Variants in SRGAP1 observed in about 807,000 individuals in gnomAD.
SRGAP1 encodes the protein SLIT-ROBO Rho GTPase activating protein 1.
Under a neutral mutation model 121.9 loss-of-function variants are expected in SRGAP1, and 43 were observed. The observed-to-expected ratio is 0.35, with a 90% CI of 0.28 to 0.46. The LOEUF is 0.46. Ranked by LOEUF, SRGAP1 falls within the 20% of genes least tolerant of loss-of-function variation. The pLI, the probability that SRGAP1 is intolerant of heterozygous loss-of-function variation, is 1.00. For missense variants in SRGAP1, 1,102 were observed against 1,350.9 expected, an observed-to-expected ratio of 0.82 and a Z score of 2.89; for synonymous variants, 447 against 485.4, an observed-to-expected ratio of 0.92 and a Z score of 1.04.
intron 1 of SRGAP1, among the ~76,000 whole-genome samples, chr12:63,907,888 A>G (rs1034418338): frequency 2.6e-5 from 4 of 152,200 alleles, no homozygotes; most frequent in Non-Finnish European, 5.9e-5. Context: ...TGTAAAGTAT[A>G]AAGTAGAGGT....
chr12:64,010,806 A>T (rs145365842), intron 3 of SRGAP1, among the ~76,000 whole-genome samples: 23 of 152,008 alleles, frequency 1.5e-4, no homozygotes, highest in Non-Finnish European at 3.2e-4. Context: ...GAGGCTTTGC[A>T]AAATTATTTA....
intron 4 of SRGAP1, among the ~76,000 whole-genome samples, chr12:64,024,384 T>C (rs1002235331): frequency 1.3e-5 from 2 of 152,154 alleles, no homozygotes; most frequent in African/African-American, 4.8e-5. Context: ...TGAGCCATGA[T>C]TGCGCTACTG....
At chr12:63,995,049 A>C (rs2033656692) in intron 3 of SRGAP1, among the ~76,000 whole-genome samples, 1 of 152,204 alleles carries the variant, frequency 6.6e-6, no homozygotes, top group Non-Finnish European at 1.5e-5. Context: ...CAATTTTAAG[A>C]ACGTTAATAG....
chr12:64,146,368 C>G lies in SRGAP1; in HGVS notation c.*3696C>G, dbSNP rs965226900. ...TTAAGGGTTTTCTAACTTTTGCTAT[C>G]CCCCCCGCGACCAAAAAAAGGGGGG... On this transcript the variant is annotated 3_prime_UTR_variant, in exon 22 of 22. Coordinates refer to ENST00000355086, the MANE Select transcript of SRGAP1 (RefSeq NM_020762.4). The G allele has an allele frequency of 3.3e-5, 5 of 151,922 alleles. No homozygotes were observed. The highest frequency in any genetic ancestry group is 1.2e-4 in the African/African-American group (5 of 41,434). The allele number at this position is 151,922 out of a possible 1,614,324, so 9.4% of individuals were successfully genotyped here.
At chr12:63,856,555 T>C (rs1899258265) in intron 1 of SRGAP1, among the ~76,000 whole-genome samples, 1 of 133,020 alleles carries the variant, frequency 7.5e-6, no homozygotes. Flanking sequence ...GTGCTAATAG[T>C]CTTTTTGAAG....
intron 18 of SRGAP1, among the ~76,000 whole-genome samples, chr12:64,121,617 C>T (rs965948117): frequency 4.9e-4 from 74 of 152,074 alleles, no homozygotes; most frequent in Admixed American, 1.3e-4. Flanking sequence ...TTTTGGGTTT[C>T]TTTGTTTCTC....
intron 1 of SRGAP1, among the ~76,000 whole-genome samples, chr12:63,859,402 A>G (rs779122158): frequency 2.5e-4 from 38 of 151,776 alleles, no homozygotes; most frequent in Non-Finnish European, 5.3e-4. Context: ...CGTGGCCTCA[A>G]ATGATACACT....
chr12:63,979,722 A>G (rs1030877887), intron 1 of SRGAP1, among the ~76,000 whole-genome samples: 2 of 152,156 alleles, frequency 1.3e-5, no homozygotes, highest in Admixed American at 1.3e-4. Flanking sequence ...TGGAAACTCA[A>G]TAATTGCTTG....
intron 1 of SRGAP1, among the ~76,000 whole-genome samples, chr12:63,861,748 A>G (rs1397257474): frequency 6.6e-6 from 1 of 152,092 alleles, no homozygotes; most frequent in Non-Finnish European, 1.5e-5. Context: ...ACACTTTGGG[A>G]GGCTGAGATG....
intron 1 of SRGAP1, among the ~76,000 whole-genome samples, chr12:63,937,583 T>A (rs1179556322): frequency 6.6e-6 from 1 of 152,198 alleles, no homozygotes; most frequent in South Asian, 2.1e-4. Context: ...TTGGATAGCT[T>A]GATATCCTCT....
intron 1 of SRGAP1, among the ~76,000 whole-genome samples, chr12:63,953,290 A>G (rs968368773): frequency 6.6e-6 from 1 of 152,082 alleles, no homozygotes; most frequent in African/African-American, 2.4e-5. Flanking sequence ...TCATCTCATT[A>G]AGTTTCTATT....
chr12:63,894,188 A>G (rs930478129), intron 1 of SRGAP1, among the ~76,000 whole-genome samples: 1 of 152,116 alleles, frequency 6.6e-6, no homozygotes, highest in African/African-American at 2.4e-5. Flanking sequence ...TGCTGTGTTC[A>G]AGGCACTCTG....
At chr12:63,899,603 C>T (rs113014325) in intron 1 of SRGAP1, among the ~76,000 whole-genome samples, 11 of 152,258 alleles carry the variant, frequency 7.2e-5, no homozygotes, top group Non-Finnish European at 1.6e-4. Context: ...AACACCTCCG[C>T]GTTTGCCTTA....
At chr12:63,985,105 G>T (rs545259382) in intron 2 of SRGAP1, among the ~76,000 whole-genome samples, 1 of 152,048 alleles carries the variant, frequency 6.6e-6, no homozygotes, top group Non-Finnish European at 1.5e-5. Flanking sequence ...AGGGGAAGGC[G>T]GGGGAGACCC....
chr12:63,845,230 A>G (rs1468969325), intron 1 of SRGAP1, among the ~76,000 whole-genome samples: 2 of 152,082 alleles, frequency 1.3e-5, no homozygotes, highest in African/African-American at 4.8e-5. Context: ...TATCACCATC[A>G]TTATTCTTTT....
intron 6 of SRGAP1, among the ~76,000 whole-genome samples, chr12:64,047,174 A>C (rs1432274122): frequency 6.6e-6 from 1 of 152,232 alleles, no homozygotes; most frequent in African/African-American, 2.4e-5. Context: ...GAAATAAATG[A>C]TATGAAGTTG....
chr12:64,106,331 A>G (rs144710153), intron 15 of SRGAP1, among the ~76,000 whole-genome samples: 38 of 152,336 alleles, frequency 2.5e-4, no homozygotes, highest in Non-Finnish European at 5.3e-4. Flanking sequence ...AGATACAGGT[A>G]TGCTAAATCA....
chr12:64,101,011 A>G (rs1229138530), intron 15 of SRGAP1, among the ~76,000 whole-genome samples: 1 of 152,204 alleles, frequency 6.6e-6, no homozygotes, highest in African/African-American at 2.4e-5. Flanking sequence ...TAAGAGGCTT[A>G]AAATGTAGTA....
Position 64,142,431 on chromosome 12 carries a change from C to A in SRGAP1, c.3017C>A (p.Thr1006Lys), listed in dbSNP as rs549866334. The change falls in exon 22 of 22, where the codon ACG (threonine) becomes AAG (lysine). Residue 1006 changes from threonine (T) to lysine (K), a missense_variant. Around this residue, in one of 3 missense-constraint regions of SRGAP1, gnomAD observed 315 missense variants for 343.1 expected, o/e 0.92. Coordinates refer to ENST00000355086, the MANE Select transcript of SRGAP1 (RefSeq NM_020762.4). ...AACTCTCCCACCCCTGCCACTTCCACGGAATCTCTCAGCCCTTTGCACAAC... is the reference window on the plus strand; with the variant it reads ...AACTCTCCCACCCCTGCCACTTCCAAGGAATCTCTCAGCCCTTTGCACAAC... The part of the protein sequence containing the change: ...VKNSPTPATS[T>K]ESLSPLHNVA... 2.5e-6 allele frequency: 4 copies of A among 1,614,192 alleles called. No individual in the cohort carries two copies. Among genetic ancestry groups the A allele is most frequent in the Admixed American group, 1.7e-5 (1 of 60,020 alleles).
Sources: allele counts gnomAD v4.1 joint callset (sites outside exome capture counted in the v4.1 genomes callset), GRCh38; gene constraint gnomAD v4.1.1; regional missense constraint gnomAD v4.1.1; transcripts MANE v1.5; gene names NCBI Gene and HGNC (gene_info 2026-07-23, HGNC 2026-07-21).